Variants in PKIA observed in about 807,000 individuals in gnomAD.
The protein encoded by PKIA is cAMP-dependent protein kinase inhibitor alpha.
In PKIA, 4 loss-of-function variants were observed where a neutral mutation model predicts 7.6. The ratio of observed to expected loss-of-function variants is 0.52; its 90% CI spans 0.26 to 1.20. The LOEUF (loss-of-function observed/expected upper bound fraction) is 1.20, where lower values mean the gene tolerates loss of function less well. Ranked by LOEUF, PKIA falls within the 50% of genes most tolerant of loss-of-function variation. PKIA has a pLI of 0.13. For missense variants in PKIA, 73 were observed against 86.2 expected, an observed-to-expected ratio of 0.85 and a Z score of 0.61; for synonymous variants, 21 against 30.7, an observed-to-expected ratio of 0.68 and a Z score of 1.04.
intron 1 of PKIA, among the ~76,000 whole-genome samples, chr8:78,572,250 CACAA>C (rs1807566523): frequency 6.6e-6 from 1 of 152,022 alleles, no homozygotes; most frequent in Non-Finnish European, 1.5e-5. Context: ...AAAAGCCAAA[CACAA>C]ACACACACAC....
intron 2 of PKIA, among the ~76,000 whole-genome samples, chr8:78,594,765 A>G (rs1808191368): frequency 6.6e-6 from 1 of 152,222 alleles, no homozygotes; most frequent in Non-Finnish European, 1.5e-5. Context: ...AATCAATAGC[A>G]TGTCTTAAAA....
chr8:78,568,805 A>G (rs1807478730), intron 1 of PKIA, among the ~76,000 whole-genome samples: 1 of 152,172 alleles, frequency 6.6e-6, no homozygotes, highest in South Asian at 2.1e-4. Context: ...CCTCTCCAGT[A>G]AAACCCTAAT....
rs1360990375 is a variant in PKIA at position 78,601,841 on chromosome 8, A to G, written c.*20A>G. On this transcript the variant is annotated 3_prime_UTR_variant, in exon 4 of 4. Coordinates refer to ENST00000396418, the MANE Select transcript of PKIA (RefSeq NM_006823.4). ...AGCTAACACCCCACTTTGACCCTCGACCACACCTGAAAATGTCTCAAATCT... is the reference window on the plus strand; with the variant it reads ...AGCTAACACCCCACTTTGACCCTCGGCCACACCTGAAAATGTCTCAAATCT... The G allele has an allele frequency of 6.4e-7, 1 of 1,564,410 alleles. No homozygotes were observed. Among genetic ancestry groups the G allele is most frequent in the Admixed American group, 1.7e-5 (1 of 59,570 alleles).
chr8:78,540,364 C>T (rs920191647), intron 1 of PKIA, among the ~76,000 whole-genome samples: 23 of 151,782 alleles, frequency 1.5e-4, no homozygotes, highest in African/African-American at 5.3e-4. Flanking sequence ...AATATATATC[C>T]ACATCTATTT....
chr8:78,567,031 G>T (rs141725252), intron 1 of PKIA, among the ~76,000 whole-genome samples: 2 of 151,736 alleles, frequency 1.3e-5, no homozygotes, highest in South Asian at 4.2e-4. Flanking sequence ...TATTTATTGG[G>T]GACTGCAGAA....
At chr8:78,534,339 T>A (rs1430234510) in intron 1 of PKIA, 1 of 152,092 alleles carries the variant, frequency 6.6e-6, no homozygotes, top group East Asian at 1.9e-4. Flanking sequence ...ACACCCAAAT[T>A]TTAATTCTGA....
chr8:78,549,413 A>G (rs1806922764), intron 1 of PKIA, among the ~76,000 whole-genome samples: 1 of 152,014 alleles, frequency 6.6e-6, no homozygotes, highest in South Asian at 2.1e-4. Context: ...TTAACTTAGA[A>G]CTAAATTTAA....
chr8:78,566,727 A>G (rs960419757), intron 1 of PKIA, among the ~76,000 whole-genome samples: 3 of 152,178 alleles, frequency 2.0e-5, no homozygotes, highest in Non-Finnish European at 4.4e-5. Flanking sequence ...AAGTTATTAC[A>G]GCATCTTACA....
At chr8:78,588,285 A>AACCAACAT (rs1808001342) in intron 2 of PKIA, among the ~76,000 whole-genome samples, 1 of 152,058 alleles carries the variant, frequency 6.6e-6, no homozygotes, top group Admixed American at 6.5e-5. Flanking sequence ...GTTTGAGGCC[A>AACCAACAT]GCCTGACCAA....
Position 78,537,194 on chromosome 8 carries a change from G to A in PKIA, c.-157+20726G>A, listed in dbSNP as rs1430659337. Among the ~76,000 whole-genome samples the A allele has an allele frequency of 2.7e-5, 4 of 147,878 alleles. No homozygotes were observed. In the East Asian group the frequency reaches 8.0e-4, roughly 29 times the overall value. ...TTAGTTTAGTTTTTTTTTTTTTTAA[G>A]CTTCTTACTCATAAGCTTCTTTCAT... On this transcript the variant is annotated intron_variant, in intron 1 of 3. Transcript: ENST00000396418.
intron 1 of PKIA, among the ~76,000 whole-genome samples, chr8:78,541,295 A>C (rs1262020900): frequency 1.3e-5 from 2 of 152,146 alleles, no homozygotes; most frequent in Non-Finnish European, 2.9e-5. Flanking sequence ...TCTAGAATTC[A>C]GACCCAAAGG....
At chr8:78,596,182 T>G (rs936087433) in intron 2 of PKIA, among the ~76,000 whole-genome samples, 1 of 152,182 alleles carries the variant, frequency 6.6e-6, no homozygotes, top group African/African-American at 2.4e-5. Context: ...GAAGTGTCTG[T>G]TCATATCCAT....
chr8:78,561,769 A>T (rs2118518182), intron 1 of PKIA, among the ~76,000 whole-genome samples: 1 of 152,350 alleles, frequency 6.6e-6, no homozygotes, highest in East Asian at 1.9e-4. Context: ...TTCTCAGGAA[A>T]AGAGGATAAT....
At chr8:78,598,024 T>C (rs1352980490) in intron 2 of PKIA, among the ~76,000 whole-genome samples, 1 of 150,514 alleles carries the variant, frequency 6.6e-6, no homozygotes, top group African/African-American at 2.4e-5. Flanking sequence ...TGGACACAAA[T>C]ATAATACATA....
intron 1 of PKIA, among the ~76,000 whole-genome samples, chr8:78,536,516 G>T (rs1033021441): frequency 3.3e-5 from 5 of 152,016 alleles, no homozygotes; most frequent in African/African-American, 1.2e-4. Flanking sequence ...CTTTATTTGT[G>T]ATAGTCCATA....
intron 1 of PKIA, among the ~76,000 whole-genome samples, chr8:78,554,841 C>A (rs1807086202): frequency 6.6e-6 from 1 of 152,012 alleles, no homozygotes; most frequent in African/African-American, 2.4e-5. Context: ...ATGTTACATT[C>A]TTTTCAATGA....
At chr8:78,566,453 C>T (rs995538746) in intron 1 of PKIA, among the ~76,000 whole-genome samples, 11 of 151,900 alleles carry the variant, frequency 7.2e-5, no homozygotes, top group Non-Finnish European at 1.6e-4. Flanking sequence ...TTTTAGGTAC[C>T]TGCTGTTTCA....
intron 1 of PKIA, among the ~76,000 whole-genome samples, chr8:78,524,542 C>A (rs908296603): frequency 1.3e-5 from 2 of 151,576 alleles, no homozygotes; most frequent in Non-Finnish European, 2.9e-5. Flanking sequence ...ATTAGAATTA[C>A]CTAATAATCA....
chr8:78,534,541 T>G (rs889257541), intron 1 of PKIA: 1 of 152,114 alleles, frequency 6.6e-6, no homozygotes, highest in Non-Finnish European at 1.5e-5. Context: ...TCATGCACCA[T>G]ACATTCAAGA....
Sources: gnomAD v4.1 joint callset for allele counts (sites outside exome capture counted in the v4.1 genomes callset) on GRCh38, gnomAD v4.1.1 for gene constraint, MANE v1.5 for transcripts, NCBI Gene and HGNC (gene_info 2026-07-23, HGNC 2026-07-21) for gene names.